Variants in APAF1 observed in about 807,000 individuals in gnomAD.
APAF1 encodes the protein apoptotic peptidase activating factor 1, also known as apoptotic protease-activating factor 1.
APAF1 carries 91 observed loss-of-function variants against 152.4 expected under a neutral mutation model. The observed-to-expected ratio is 0.60, with a 90% CI of 0.50 to 0.71. The LOEUF (loss-of-function observed/expected upper bound fraction) is 0.71. Ranked by LOEUF, APAF1 falls within the 30% of genes least tolerant of loss-of-function variation. APAF1 has a pLI of 0.00. For missense variants in APAF1, 1,283 were observed against 1,472.0 expected, an observed-to-expected ratio of 0.87 and a Z score of 2.10; for synonymous variants, 484 against 494.1, an observed-to-expected ratio of 0.98 and a Z score of 0.27.
At position 98,727,295 on chromosome 12, in the gene APAF1, C is replaced by T; in HGVS notation, c.3579C>T (p.Ile1193=). 6.2e-7 allele frequency: 1 copy of T among 1,614,098 alleles called. No individual in the cohort carries two copies. Among genetic ancestry groups the T allele is most frequent in the Non-Finnish European group, 8.5e-7 (1 of 1,180,010 alleles). ...TTTCTCCAGATGGCAAAATGCTTAT[C>T]TCTGCTGGAGGATATATTAAGGTAA... ...LCFSPDGKML[I]SAGGYIKWWN... The change falls in exon 26 of 27, where the codon ATC becomes ATT. Residue 1193 remains isoleucine, a synonymous_variant. Coordinates refer to ENST00000551964, the MANE Select transcript of APAF1 (RefSeq NM_181861.2).
chr12:98,701,319 G>A (rs2153335154), intron 17 of APAF1, among the ~76,000 whole-genome samples: 1 of 152,108 alleles, frequency 6.6e-6, no homozygotes, highest in East Asian at 1.9e-4. Flanking sequence ...TAATGCTGCA[G>A]CATTGGTGTA....
rs1410859491 is a variant in APAF1, at chr12:98,662,944, C to T, written c.955+138C>T. 62 of 684,878 alleles carry T rather than the reference C, an allele frequency of 9.1e-5. No homozygotes were observed. The Admixed American group carries it at 1.7e-3, about 19-fold the overall frequency. 42.4% of individuals were successfully genotyped at this position (684,878 alleles called of 1,614,324 possible). ...TGGGAGATTTAGTATTTTAGGTTCTCTGATATCTTAAATGGATACATGATA... is the reference window on the plus strand; with the variant it reads ...TGGGAGATTTAGTATTTTAGGTTCTTTGATATCTTAAATGGATACATGATA... On this transcript the variant is annotated intron_variant, in intron 7 of 26. Coordinates refer to ENST00000551964, the MANE Select transcript of APAF1 (RefSeq NM_181861.2).
intron 26 of APAF1, among the ~76,000 whole-genome samples, chr12:98,731,134 C>T (rs3782560): frequency 0.082 from 12,405 of 152,208 alleles, 676 homozygotes; most frequent in East Asian, 0.24. Flanking sequence ...TGACCTTGCA[C>T]AAGATTGTTT....
chr12:98,650,256 G>A (rs1005944758), intron 4 of APAF1, among the ~76,000 whole-genome samples: 1 of 151,886 alleles, frequency 6.6e-6, no homozygotes, highest in Admixed American at 6.6e-5. Flanking sequence ...CAGCTGAGGC[G>A]TGGATCACCT....
Position 98,659,331 on chromosome 12 carries a change from G to A in APAF1, c.698G>A (p.Arg233His), listed in dbSNP as rs141157255. The A allele has an allele frequency of 1.3e-5, 21 of 1,614,102 alleles. 1 individual carries two copies. The highest frequency in any genetic ancestry group is 1.0e-4 in the Admixed American group (6 of 60,018). Residue 233 changes from arginine (R) to histidine (H), a missense_variant, in exon 5 of 27, where the codon CGC becomes CAC. Arg to His is a conservative substitution (Grantham distance 29). Transcript: ENST00000551964. ...GACCGTCTCCGCATTCTGATGCTTCGCAAACACCCAAGGTACCGATGGTCA... is the reference window on the plus strand; with the variant it reads ...GACCGTCTCCGCATTCTGATGCTTCACAAACACCCAAGGTACCGATGGTCA... ...AKDRLRILML[R>H]KHPRSLLILD...
chr12:98,703,040 C>G (rs573989624), intron 17 of APAF1, among the ~76,000 whole-genome samples: 5 of 152,034 alleles, frequency 3.3e-5, no homozygotes, highest in Non-Finnish European at 7.4e-5. Context: ...TTCATTTTCT[C>G]TTTTGAATAA....
chr12:98,727,149 G>T, intron 25 of APAF1, 24 bp from the exon 26 acceptor site: 1 of 1,612,548 alleles, frequency 6.2e-7, no homozygotes, highest in Non-Finnish European at 8.5e-7. Context: ...CTCTGTTAAT[G>T]AATTGTGTAT....
chr12:98,689,459 A>T (rs867075473), intron 16 of APAF1, among the ~76,000 whole-genome samples: 5,656 of 133,566 alleles, frequency 0.042, 173 homozygotes, highest in African/African-American at 0.1. Flanking sequence ...AGAGAGAGAG[A>T]GAGAGTGTGT....
chr12:98,662,843 G>C (rs754127964), intron 7 of APAF1, 37 bp downstream of exon 7: 75 of 1,576,638 alleles, frequency 4.8e-5, no homozygotes, highest in Non-Finnish European at 6.5e-5. Flanking sequence ...AGATTATAGG[G>C]AGTTATATAA....
At position 98,708,699 on chromosome 12, in the gene APAF1, C is replaced by T; in HGVS notation, c.2836C>T (p.Leu946=). The T allele has an allele frequency of 6.2e-7, 1 of 1,612,750 alleles. No homozygotes were observed. The highest frequency in any genetic ancestry group is 1.1e-5 in the South Asian group (1 of 90,728). The change falls in exon 20 of 27, where the codon CTG becomes TTG. Residue 946 remains leucine (L), a synonymous_variant. Coordinates refer to ENST00000551964, the MANE Select transcript of APAF1 (RefSeq NM_181861.2). Reference sequence around the variant, plus strand: ...CCTTGCAGTTGACCATATAAGACGTCTGCAAGTGAGTATTTTTTAGAAAAC... The same window carrying T: ...CCTTGCAGTTGACCATATAAGACGTTTGCAAGTGAGTATTTTTTAGAAAAC... The part of the protein sequence containing the change: ...MVLAVDHIRR[L]QLINGRTGQI...
intron 19 of APAF1, among the ~76,000 whole-genome samples, chr12:98,707,620 A>G (rs1199190081): frequency 6.6e-6 from 1 of 151,700 alleles, no homozygotes; most frequent in Non-Finnish European, 1.5e-5. Flanking sequence ...CAGCATCCTA[A>G]TACAGCATTA....
Position 98,705,213 on chromosome 12 carries a change from C to T in APAF1, c.2596-1272C>T, listed in dbSNP as rs577476998. ...TCTAAAGTCCTTACCCTCTGCCATC[C>T]TTAGCAATCTCCAGGAAACAATGAA... On this transcript the variant is annotated intron_variant, in intron 18 of 26. Coordinates refer to ENST00000551964, the MANE Select transcript of APAF1 (RefSeq NM_181861.2). Among the ~76,000 whole-genome samples, 9 of 152,216 alleles carry T rather than the reference C, an allele frequency of 5.9e-5. No homozygotes were observed. In the South Asian group the frequency reaches 1.9e-3, roughly 32 times the overall value.
rs901708288 is a variant in APAF1 at position 98,723,329 on chromosome 12, AT to A, written c.3204+20del. On this transcript the variant is annotated intron_variant, in intron 23 of 26. Transcript: ENST00000551964. ...ACAGTGAAGGTAATTTAAAGTATAA[AT>A]TTGTTTTTTGAAAAAGTATTCTCAT... 2 of 1,612,026 alleles carry A rather than the reference AT, an allele frequency of 1.2e-6. No individual in the cohort carries two copies. The highest frequency in any genetic ancestry group is 2.7e-5 in the African/African-American group (2 of 74,884).
intron 7 of APAF1, among the ~76,000 whole-genome samples, chr12:98,665,146 C>T (rs2097670523): frequency 6.6e-6 from 1 of 151,526 alleles, no homozygotes; most frequent in Non-Finnish European, 1.5e-5. Flanking sequence ...CCTCCCACCT[C>T]AGCCTCCTAA....
chr12:98,674,029 C>G (rs577768952), intron 12 of APAF1, among the ~76,000 whole-genome samples: 1 of 152,146 alleles, frequency 6.6e-6, no homozygotes, highest in African/African-American at 2.4e-5. Flanking sequence ...CAGGACCTCA[C>G]TTTGTCATTT....
chr12:98,703,526 G>T (rs1187978699), intron 18 of APAF1, 27 bp downstream of exon 18: 6 of 1,613,832 alleles, frequency 3.7e-6, no homozygotes, highest in Non-Finnish European at 4.2e-6. Context: ...ATTCTGTGAA[G>T]CCTGGGTTTC....
In APAF1 at chr12:98,732,483, A is replaced by G. The variant is rs752622248; in HGVS notation, c.3664A>G (p.Lys1222Glu). The change falls in exon 27 of 27, where the codon AAA (lysine) becomes GAA (glutamate). Residue 1222 changes from lysine to glutamate, a missense_variant. Physicochemically the swap from Lys to Glu is moderately conservative, Grantham distance 56. Transcript: ENST00000551964. ...TFYTNGTNLK[K>E]IHVSPDFKTY... ...CTACACAAATGGAACCAATCTTAAGAAAATACACGTGTCCCCTGACTTCAA... is the reference window on the plus strand; with the variant it reads ...CTACACAAATGGAACCAATCTTAAGGAAATACACGTGTCCCCTGACTTCAA... 13 of 1,605,562 alleles carry G rather than the reference A, an allele frequency of 8.1e-6. No individual in the cohort carries two copies. The South Asian group carries it at 1.4e-4, about 18-fold the overall frequency.
At chr12:98,666,079 A>G (rs575073263) in intron 8 of APAF1, 111 bp from the exon 9 acceptor site, 3 of 1,020,924 alleles carry the variant, frequency 2.9e-6, no homozygotes, top group South Asian at 2.7e-5. Flanking sequence ...AAATGGAGAC[A>G]TTCTTACTCA....
chr12:98,711,481 A>T (rs2097727875), intron 20 of APAF1, among the ~76,000 whole-genome samples: 1 of 152,226 alleles, frequency 6.6e-6, no homozygotes, highest in African/African-American at 2.4e-5. Flanking sequence ...TGAATATCTA[A>T]TAGATCAAAA....
Sources: gnomAD v4.1 joint callset for allele counts (sites outside exome capture counted in the v4.1 genomes callset) on GRCh38, gnomAD v4.1.1 for gene constraint, MANE v1.5 for transcripts, NCBI Gene and HGNC (gene_info 2026-07-23, HGNC 2026-07-21) for gene names.